The following BMP2K variants were observed in gnomAD, a reference collection of about 807,000 sequenced individuals.
BMP2K encodes the protein BMP-2-inducible protein kinase.
In BMP2K, 74 loss-of-function variants were observed where a neutral mutation model predicts 116.0. The observed-to-expected ratio is 0.64, with a 90% CI of 0.53 to 0.77. BMP2K has a LOEUF of 0.77. BMP2K is among the 30% of genes least tolerant of loss of function. The probability of loss-of-function intolerance (pLI) is 0.00; values close to 1 mark genes in which losing one functional copy is unlikely to be tolerated. For synonymous variants in BMP2K, 486 were observed against 502.5 expected (o/e 0.97, Z 0.44); for missense variants, 1,365 against 1,403.6 (o/e 0.97, Z 0.44).
At chr4:78,863,846 A>G (rs969274767) in intron 9 of BMP2K, among the ~76,000 whole-genome samples, 2 of 152,118 alleles carry the variant, frequency 1.3e-5, no homozygotes, top group Non-Finnish European at 2.9e-5. Flanking sequence ...AAAATTTTAA[A>G]CCCCAGTTTC....
intron 9 of BMP2K, among the ~76,000 whole-genome samples, chr4:78,864,743 T>C (rs1238367243): frequency 6.6e-6 from 1 of 152,218 alleles, no homozygotes; most frequent in Non-Finnish European, 1.5e-5. Flanking sequence ...TGTAAGGGGA[T>C]TTAATAAAGA....
intron 1 of BMP2K, among the ~76,000 whole-genome samples, chr4:78,782,563 C>T (rs866904335): frequency 6.6e-6 from 1 of 152,248 alleles, no homozygotes. Context: ...TGTACTTAGG[C>T]CAGAGGACTC....
intron 13 of BMP2K, among the ~76,000 whole-genome samples, chr4:78,875,922 C>G (rs550620062): frequency 6.6e-6 from 1 of 152,266 alleles, no homozygotes; most frequent in South Asian, 2.1e-4. Context: ...CTTTTTAGAC[C>G]TAGTCTCAGC....
At chr4:78,799,316 G>A (rs529686707) in intron 1 of BMP2K, among the ~76,000 whole-genome samples, 18 of 151,736 alleles carry the variant, frequency 1.2e-4, no homozygotes, top group Middle Eastern at 6.8e-3. Context: ...AGAAAAATTT[G>A]CATATAAAAC....
chr4:78,865,446 C>T (rs555050983), intron 9 of BMP2K, 111 bp from the exon 10 acceptor site: 49 of 976,320 alleles, frequency 5.0e-5, no homozygotes, highest in South Asian at 3.5e-4. Context: ...AGGACTAATG[C>T]GATTATCAGT....
intron 3 of BMP2K, among the ~76,000 whole-genome samples, chr4:78,837,960 T>A (rs979227086): frequency 2.2e-4 from 33 of 152,188 alleles, no homozygotes; most frequent in African/African-American, 7.5e-4. Flanking sequence ...TTTTAAATTT[T>A]TTTCTTTTCC....
chr4:78,899,444 A>G (rs1460582477), intron 15 of BMP2K, among the ~76,000 whole-genome samples: 1 of 152,140 alleles, frequency 6.6e-6, no homozygotes, highest in Admixed American at 6.6e-5. Context: ...TTTAGACACA[A>G]AAGAAGACAT....
Position 78,910,915 on chromosome 4 carries a change from G to T in BMP2K, c.2368G>T (p.Asp790Tyr), listed in dbSNP as rs1296248740. ...TCTGGGTCATAGGCCTCTCCTCATG[G>T]ATTCTGAAGATGAGGAAGAAGAGGA... ...ENLGHRPLLM[D>Y]SEDEEEEEKH... The change falls in exon 16 of 16, where the codon GAT (aspartate) becomes TAT (tyrosine). Residue 790 changes from aspartate to tyrosine, a missense_variant. Around this residue, in one of 3 missense-constraint regions of BMP2K, gnomAD observed 596 missense variants for 623.2 expected, o/e 0.96. Transcript: ENST00000502613. 1.2e-6 allele frequency: 2 copies of T among 1,613,896 alleles called. No homozygotes were observed. The highest frequency in any genetic ancestry group is 1.7e-6 in the Non-Finnish European group (2 of 1,179,842).
intron 1 of BMP2K, among the ~76,000 whole-genome samples, chr4:78,823,471 C>A (rs1284464592): frequency 2.0e-5 from 3 of 148,036 alleles, no homozygotes; most frequent in Non-Finnish European, 4.5e-5. Context: ...AGTGCTCTCT[C>A]TCTCATATAT....
chr4:78,843,284 T>C (rs1730847480), intron 4 of BMP2K, among the ~76,000 whole-genome samples: 1 of 151,926 alleles, frequency 6.6e-6, no homozygotes, highest in South Asian at 2.1e-4. Context: ...GTGAGTCCCA[T>C]CACTATAGCC....
intron 8 of BMP2K, 38 bp downstream of exon 8, chr4:78,859,725 C>A: frequency 1.5e-6 from 2 of 1,359,844 alleles, no homozygotes; most frequent in South Asian, 1.2e-5. Flanking sequence ...ATTTAAAATT[C>A]ATTTTATCGT....
intron 2 of BMP2K, among the ~76,000 whole-genome samples, chr4:78,828,474 C>A (rs1272089601): frequency 6.6e-6 from 1 of 152,118 alleles, no homozygotes; most frequent in Non-Finnish European, 1.5e-5. Flanking sequence ...CATTCCTTCC[C>A]CCAGGGTATA....
intron 1 of BMP2K, among the ~76,000 whole-genome samples, chr4:78,781,836 G>A (rs1370001674): frequency 6.6e-6 from 1 of 152,114 alleles, no homozygotes; most frequent in Non-Finnish European, 1.5e-5. Context: ...CACGTCTTGA[G>A]TACCGAGTAC....
chr4:78,780,286 G>T (rs1727443019), intron 1 of BMP2K, among the ~76,000 whole-genome samples: 1 of 152,174 alleles, frequency 6.6e-6, no homozygotes, highest in Non-Finnish European at 1.5e-5. Context: ...GAGGTTATGG[G>T]GGCTGGGTAG....
At chr4:78,909,194 T>C (rs923530503) in intron 15 of BMP2K, among the ~76,000 whole-genome samples, 1 of 150,702 alleles carries the variant, frequency 6.6e-6, no homozygotes, top group Non-Finnish European at 1.5e-5. Context: ...CCTGCCAACA[T>C]GCCTGGCTAA....
intron 1 of BMP2K, among the ~76,000 whole-genome samples, chr4:78,786,030 C>G (rs2109923973): frequency 6.6e-6 from 1 of 152,300 alleles, no homozygotes; most frequent in East Asian, 1.9e-4. Flanking sequence ...ATCTCTTACT[C>G]TTACTCCCTA....
intron 13 of BMP2K, among the ~76,000 whole-genome samples, chr4:78,877,860 T>C (rs192872967): frequency 6.6e-6 from 1 of 152,322 alleles, no homozygotes; most frequent in Admixed American, 6.5e-5. Context: ...CACTAGGTGA[T>C]AGGAATTTTT....
intron 12 of BMP2K, 25 bp downstream of exon 12, chr4:78,871,973 T>G: frequency 2.0e-6 from 3 of 1,487,516 alleles, no homozygotes; most frequent in Non-Finnish European, 2.8e-6. Flanking sequence ...TTCTAGAGAT[T>G]TCTCTGAGTA....
intron 1 of BMP2K, among the ~76,000 whole-genome samples, chr4:78,817,456 CTCT>C (rs1486333229): frequency 6.6e-6 from 1 of 152,206 alleles, no homozygotes. Flanking sequence ...CTTACAATTA[CTCT>C]TCTATCAGAA....
Sources: allele counts gnomAD v4.1 joint callset (sites outside exome capture counted in the v4.1 genomes callset), GRCh38; gene constraint gnomAD v4.1.1; regional missense constraint gnomAD v4.1.1; transcripts MANE v1.5; gene names NCBI Gene and HGNC (gene_info 2026-07-23, HGNC 2026-07-21).